Variants in CPNE8 observed in about 807,000 individuals in gnomAD.
CPNE8 encodes copine-8.
A neutral mutation model predicts 81.5 loss-of-function variants in CPNE8; 45 were observed. That is an observed-to-expected ratio of 0.55 (90% confidence interval 0.44 to 0.71). The LOEUF (loss-of-function observed/expected upper bound fraction) is 0.71, where lower values mean the gene tolerates loss of function less well. Ranked by LOEUF, CPNE8 falls within the 30% of genes least tolerant of loss-of-function variation. The probability of loss-of-function intolerance (pLI) is 0.00; values close to 1 mark genes in which losing one functional copy is unlikely to be tolerated. For missense variants in CPNE8, 594 were observed against 672.1 expected, an observed-to-expected ratio of 0.88 and a Z score of 1.28; for synonymous variants, 252 against 226.3, an observed-to-expected ratio of 1.11 and a Z score of -1.02.
intron 6 of CPNE8, among the ~76,000 whole-genome samples, chr12:38,788,664 G>A (rs1942253837): frequency 6.6e-6 from 1 of 151,578 alleles, no homozygotes; most frequent in Non-Finnish European, 1.5e-5. Context: ...AAAAAGAAAG[G>A]AGTCAAATTG....
chr12:38,669,344 C>G (rs769727658), intron 19 of CPNE8, among the ~76,000 whole-genome samples: 5 of 151,894 alleles, frequency 3.3e-5, no homozygotes, highest in Non-Finnish European at 7.4e-5. Flanking sequence ...TAACAGATTA[C>G]TTTATATTAT....
At position 38,842,189 on chromosome 12, in the gene CPNE8, C is replaced by G. The variant is rs924870244; in HGVS notation, c.291-2234G>C. Among the ~76,000 whole-genome samples, 12 of 151,992 alleles carry G rather than the reference C, an allele frequency of 7.9e-5. No individual in the cohort carries two copies. The South Asian group carries it at 8.3e-4, about 11-fold the overall frequency. On this transcript the variant is annotated intron_variant, in intron 4 of 19. Coordinates refer to ENST00000331366, the MANE Select transcript of CPNE8 (RefSeq NM_153634.3). ...TACTGTAGAACTACAGTTGCTAGTA[C>G]AAAAAAATACATTTTTTTATCCAAG...
chr12:38,808,121 G>T (rs1942856573), intron 6 of CPNE8, among the ~76,000 whole-genome samples: 1 of 152,084 alleles, frequency 6.6e-6, no homozygotes, highest in Non-Finnish European at 1.5e-5. Context: ...TGGAGAGGAT[G>T]TGGAGAAATA....
In CPNE8 at chr12:38,653,450, T is replaced by A. The variant is rs1432102653; in HGVS notation, c.*432A>T. 2 of 153,172 alleles carry A rather than the reference T, an allele frequency of 1.3e-5. No individual in the cohort carries two copies. Among genetic ancestry groups the A allele is most frequent in the African/African-American group, 4.8e-5 (2 of 41,494 alleles). The allele number at this position is 153,172 out of a possible 1,614,324, so 9.5% of individuals were successfully genotyped here. A position where few individuals can be genotyped will look rare whatever the true frequency, so the allele number is the denominator to read the frequency against. On this transcript the variant is annotated 3_prime_UTR_variant, in exon 20 of 20. Coordinates refer to ENST00000331366, the MANE Select transcript of CPNE8 (RefSeq NM_153634.3). ...CAAAGGATTCAGTATTTAAAACTCT[T>A]ATTTTTAAGAACAGTTATAAAAGTA...
At chr12:38,764,632 A>AG (rs571723306) in intron 8 of CPNE8, among the ~76,000 whole-genome samples, 3,398 of 150,212 alleles carry the variant, frequency 0.023, 151 homozygotes, top group African/African-American at 0.08. Flanking sequence ...AAAAAAAAAA[A>AG]AAAAAAAGAA....
At chr12:38,697,149 C>T (rs376483433) in intron 14 of CPNE8, among the ~76,000 whole-genome samples, 6 of 152,296 alleles carry the variant, frequency 3.9e-5, no homozygotes, top group African/African-American at 1.4e-4. Context: ...ACATTTTTAT[C>T]ACTTCAAAAA....
intron 6 of CPNE8, among the ~76,000 whole-genome samples, chr12:38,807,950 A>G (rs1332830583): frequency 1.3e-5 from 2 of 152,040 alleles, no homozygotes; most frequent in African/African-American, 4.8e-5. Flanking sequence ...AAGGATATGA[A>G]CAGACACTTC....
intron 9 of CPNE8, among the ~76,000 whole-genome samples, chr12:38,761,548 T>C (rs1941571073): frequency 6.6e-6 from 1 of 152,372 alleles, no homozygotes; most frequent in East Asian, 1.9e-4. Flanking sequence ...ACTATTTTTC[T>C]ATCATATGTA....
chr12:38,722,502 C>A (rs747093448), intron 13 of CPNE8, among the ~76,000 whole-genome samples: 10 of 152,268 alleles, frequency 6.6e-5, no homozygotes, highest in South Asian at 4.1e-4. Flanking sequence ...TCCCTCAACC[C>A]CTTCTTCAAC....
intron 3 of CPNE8, among the ~76,000 whole-genome samples, chr12:38,859,178 T>C (rs1041477757): frequency 6.7e-6 from 1 of 150,214 alleles, no homozygotes; most frequent in African/African-American, 2.5e-5. Flanking sequence ...GCAAATGAAC[T>C]TATAGGTTAA....
rs75436853 is a variant in CPNE8 at position 38,691,409 on chromosome 12, T to C, written c.1143+2248A>G. 3.2e-3 allele frequency among the ~76,000 whole-genome samples: 485 copies of C among 152,246 alleles called. 3 individuals carry two copies. In the East Asian group the frequency reaches 0.035, roughly 11 times the overall value. Reference sequence around the variant, plus strand: ...TATGAAGATTATATGAGATAATGAGTATAAAGTATGTGACTCGATACTCAG... The same window carrying C: ...TATGAAGATTATATGAGATAATGAGCATAAAGTATGTGACTCGATACTCAG... On this transcript the variant is annotated intron_variant, in intron 15 of 19. Transcript: ENST00000331366.
intron 13 of CPNE8, among the ~76,000 whole-genome samples, chr12:38,703,746 G>A (rs549970560): frequency 4.1e-4 from 62 of 152,232 alleles, no homozygotes; most frequent in Admixed American, 7.2e-4. Context: ...ATTCTGCAAA[G>A]TTTCAGGATA....
chr12:38,665,504 A>T (rs1939043050), intron 19 of CPNE8, among the ~76,000 whole-genome samples: 1 of 152,134 alleles, frequency 6.6e-6, no homozygotes, highest in South Asian at 2.1e-4. Flanking sequence ...ATTCGTAAAA[A>T]TAAGTTTGAA....
At position 38,795,905 on chromosome 12, in the gene CPNE8, T is replaced by TAGATAGATGAC. The variant is rs1555160643; in HGVS notation, c.408-19605_408-19604insGTCATCTATCT. On this transcript the variant is annotated intron_variant, in intron 6 of 19. Transcript: ENST00000331366. ...GATAGATAGATAGATAGATAGAAGA[T>TAGATAGATGAC]AGATAATACAACATGACCAGTTGAG... Among the ~76,000 whole-genome samples, 169 of 148,356 alleles carry TAGATAGATGAC rather than the reference T, an allele frequency of 1.1e-3. 1 individual carries two copies. Among genetic ancestry groups the TAGATAGATGAC allele is most frequent in the African/African-American group, 4.1e-3 (166 of 40,310 alleles).
intron 1 of CPNE8, among the ~76,000 whole-genome samples, chr12:38,875,693 A>G (rs1944056298): frequency 2.0e-5 from 3 of 152,230 alleles, no homozygotes; most frequent in Admixed American, 6.5e-5. Flanking sequence ...CAACAAACCA[A>G]TGCAGCACAA....
At chr12:38,660,768 G>A (rs1938933906) in intron 19 of CPNE8, among the ~76,000 whole-genome samples, 1 of 151,872 alleles carries the variant, frequency 6.6e-6, no homozygotes, top group Non-Finnish European at 1.5e-5. Flanking sequence ...AAATTTATAA[G>A]AAAAAAACAA....
In CPNE8 at chr12:38,902,362, A is replaced by AAGAAAAGAAAG. The variant is rs1555172148; in HGVS notation, c.98+3074_98+3075insCTTTCTTTTCT. The stretch of plus-strand genomic sequence containing the variant: ...AAAGAAAGAAAGAAAGAAAGAAAGA[A>AAGAAAAGAAAG]AGAAAGAAAGAAAGAAAGAAAAGAA... On this transcript the variant is annotated intron_variant, in intron 1 of 19. Transcript: ENST00000331366. Among the ~76,000 whole-genome samples the AAGAAAAGAAAG allele has an allele frequency of 4.6e-3, 441 of 95,256 alleles. 7 individuals carry two copies. Among genetic ancestry groups the AAGAAAAGAAAG allele is most frequent in the East Asian group, 0.022 (73 of 3,304 alleles). The allele number at this position is 95,256 out of a possible 152,430, so 62.5% of individuals were successfully genotyped here. A position where few individuals can be genotyped will look rare whatever the true frequency, so the allele number is the denominator to read the frequency against.
intron 13 of CPNE8, among the ~76,000 whole-genome samples, chr12:38,711,259 A>C (rs921005557): frequency 6.6e-6 from 1 of 152,218 alleles, no homozygotes; most frequent in East Asian, 1.9e-4. Flanking sequence ...GTAACCAAGC[A>C]ACATAACTAT....
chr12:38,711,123 T>A (rs1466741492), intron 13 of CPNE8, among the ~76,000 whole-genome samples: 1 of 152,226 alleles, frequency 6.6e-6, no homozygotes, highest in Non-Finnish European at 1.5e-5. Context: ...AAATTACTAG[T>A]ACATCATCAG....
Sources: gnomAD v4.1 joint callset for allele counts (sites outside exome capture counted in the v4.1 genomes callset) on GRCh38, gnomAD v4.1.1 for gene constraint, MANE v1.5 for transcripts, NCBI Gene and HGNC (gene_info 2026-07-23, HGNC 2026-07-21) for gene names.